CAMK1D: variants seen among roughly 807,000 people sequenced by gnomAD.
CAMK1D encodes calcium/calmodulin-dependent protein kinase type 1D.
In CAMK1D, 9 loss-of-function variants were observed where a neutral mutation model predicts 47.7. The ratio of observed to expected loss-of-function variants is 0.19; its 90% CI spans 0.11 to 0.33. The LOEUF is 0.33. Ranked by LOEUF, CAMK1D falls within the 10% of genes least tolerant of loss-of-function variation. The pLI, the probability that CAMK1D is intolerant of heterozygous loss-of-function variation, is 1.00. For missense variants in CAMK1D, 291 were observed against 488.7 expected (o/e 0.60, Z 3.81); for synonymous variants, 184 against 184.9 (o/e 0.99, Z 0.04).
chr10:12,761,190 A>C, intron 4 of CAMK1D, 104 bp downstream of exon 4: 1 of 1,366,298 alleles, frequency 7.3e-7, no homozygotes, highest in Admixed American at 2.2e-5. Flanking sequence ...TCTGATGTAG[A>C]GTGGGTGCAG....
chr10:12,492,927 A>C (rs1834429468), intron 1 of CAMK1D, among the ~76,000 whole-genome samples: 1 of 151,762 alleles, frequency 6.6e-6, no homozygotes, highest in Non-Finnish European at 1.5e-5. Flanking sequence ...TTAAAGTCCC[A>C]CTCCCTCTGT....
At chr10:12,821,777 C>G (rs919518799) in intron 8 of CAMK1D, among the ~76,000 whole-genome samples, 2 of 152,262 alleles carry the variant, frequency 1.3e-5, no homozygotes, top group African/African-American at 4.8e-5. Flanking sequence ...GAGTTCAAGA[C>G]CAGCCTGGCC....
intron 1 of CAMK1D, among the ~76,000 whole-genome samples, chr10:12,375,058 A>C (rs1176034075): frequency 2.0e-5 from 3 of 151,982 alleles, no homozygotes; most frequent in Non-Finnish European, 2.9e-5. Context: ...CGGCCTTCCA[A>C]AGTTCTGGGA....
At chr10:12,816,409 C>A in intron 8 of CAMK1D, 81 bp downstream of exon 8, 1 of 1,121,480 alleles carries the variant, frequency 8.9e-7, no homozygotes, top group South Asian at 1.4e-5. Flanking sequence ...TGGCCGTTGT[C>A]ATTTATGAAA....
chr10:12,659,351 G>A (rs1460971878), intron 2 of CAMK1D, among the ~76,000 whole-genome samples: 2 of 152,246 alleles, frequency 1.3e-5, no homozygotes, highest in Admixed American at 1.3e-4. Flanking sequence ...TAGGAAGAGA[G>A]TGAGACCAGA....
At chr10:12,699,324 TCTA>T (rs1392573061) in intron 3 of CAMK1D, among the ~76,000 whole-genome samples, 1 of 152,202 alleles carries the variant, frequency 6.6e-6, no homozygotes, top group East Asian at 1.9e-4. Flanking sequence ...CTCGACCTCT[TCTA>T]CTTCTTGGTA....
At chr10:12,491,710 G>A (rs1445883365) in intron 1 of CAMK1D, among the ~76,000 whole-genome samples, 6 of 151,990 alleles carry the variant, frequency 3.9e-5, no homozygotes, top group African/African-American at 9.7e-5. Context: ...AAGGCCGGCC[G>A]CCGATTGCTA....
chr10:12,416,044 G>C (rs1839837863), intron 1 of CAMK1D: 1 of 152,166 alleles, frequency 6.6e-6, no homozygotes, highest in African/African-American at 2.4e-5. Context: ...GCATTAGACT[G>C]TGGGCAGAAA....
At chr10:12,778,028 T>C (rs1054481023) in intron 5 of CAMK1D, among the ~76,000 whole-genome samples, 4 of 152,198 alleles carry the variant, frequency 2.6e-5, no homozygotes, top group Admixed American at 1.3e-4. Context: ...CCTAGCATGG[T>C]GTCTTTGTAT....
chr10:12,731,271 T>C (rs1310090738), intron 3 of CAMK1D, among the ~76,000 whole-genome samples: 1 of 152,108 alleles, frequency 6.6e-6, no homozygotes, highest in East Asian at 1.9e-4. Flanking sequence ...AGGGAGAGAA[T>C]GTGGAGTAAC....
chr10:12,804,937 CAAAAAAA>C (rs145584740), intron 6 of CAMK1D, among the ~76,000 whole-genome samples: 7 of 51,058 alleles, frequency 1.4e-4, no homozygotes, highest in African/African-American at 2.5e-4. Context: ...GACCCTGTCT[CAAAAAAA>C]AAAAAAAAAA....
At position 12,829,065 on chromosome 10, in the gene CAMK1D, C is replaced by T. The variant is rs1833364752; in HGVS notation, c.*178C>T. 1.8e-6 allele frequency: 1 copy of T among 566,606 alleles called. No individual in the cohort carries two copies. Among genetic ancestry groups the T allele is most frequent in the Admixed American group, 3.4e-5 (1 of 29,764 alleles). 35.1% of individuals were successfully genotyped at this position (566,606 alleles called of 1,614,324 possible). On this transcript the variant is annotated 3_prime_UTR_variant, in exon 11 of 11. Transcript: ENST00000619168. The stretch of plus-strand genomic sequence containing the variant: ...TACTGCAATTCTGAAGTGTTCATTT[C>T]TCACAAACTGTACTGACTCGAGGGG...
At chr10:12,504,107 G>T (rs1020397355) in intron 1 of CAMK1D, among the ~76,000 whole-genome samples, 1 of 138,822 alleles carries the variant, frequency 7.2e-6, no homozygotes, top group African/African-American at 2.8e-5. Context: ...CCAATAAGAT[G>T]GGTGTGTGTG....
At chr10:12,350,554 G>T (rs1027516780) in intron 1 of CAMK1D, among the ~76,000 whole-genome samples, 1 of 126,664 alleles carries the variant, frequency 7.9e-6, no homozygotes, top group South Asian at 2.4e-4. Flanking sequence ...GTCTGTGCGC[G>T]TCGCTGCGCG....
chr10:12,664,746 A>G (rs1340564363), intron 2 of CAMK1D, among the ~76,000 whole-genome samples: 1 of 152,340 alleles, frequency 6.6e-6, no homozygotes, highest in Non-Finnish European at 1.5e-5. Context: ...GACGTACTTA[A>G]ACTACAAAAG....
chr10:12,804,093 G>C (rs753441950), intron 6 of CAMK1D, among the ~76,000 whole-genome samples: 22 of 152,116 alleles, frequency 1.4e-4, no homozygotes, highest in Non-Finnish European at 1.5e-5. Context: ...GCCTTGAGGG[G>C]TGTCATTTAC....
At chr10:12,821,205 C>T (rs759937486) in intron 8 of CAMK1D, among the ~76,000 whole-genome samples, 4 of 152,176 alleles carry the variant, frequency 2.6e-5, no homozygotes, top group Non-Finnish European at 4.4e-5. Context: ...ACTGATTGAA[C>T]GAGGCCCACC....
At chr10:12,602,102 C>T (rs181401169) in intron 2 of CAMK1D, among the ~76,000 whole-genome samples, 1 of 152,344 alleles carries the variant, frequency 6.6e-6, no homozygotes, top group African/African-American at 2.4e-5. Flanking sequence ...CTCATACTCC[C>T]CGAAGAACTA....
intron 2 of CAMK1D, among the ~76,000 whole-genome samples, chr10:12,580,974 T>G (rs1400193538): frequency 6.6e-6 from 1 of 152,130 alleles, no homozygotes; most frequent in Non-Finnish European, 1.5e-5. Flanking sequence ...TTCTGAGATT[T>G]TGGTGCACCC....
Sources: gnomAD v4.1 joint callset for allele counts (sites outside exome capture counted in the v4.1 genomes callset) on GRCh38, gnomAD v4.1.1 for gene constraint, MANE v1.5 for transcripts, NCBI Gene and HGNC (gene_info 2026-07-23, HGNC 2026-07-21) for gene names.